The following ELP4 variants were observed in gnomAD, a reference collection of about 807,000 sequenced individuals.
ELP4 encodes the protein elongator complex protein 4.
ELP4 carries 51 observed loss-of-function variants against 48.9 expected under a neutral mutation model. That is an observed-to-expected ratio of 1.04 (90% CI 0.83 to 1.32). The LOEUF (loss-of-function observed/expected upper bound fraction) is 1.32, where lower values mean the gene tolerates loss of function less well. Among genes scored for constraint, ELP4 ranks in the 40% most tolerant of loss-of-function variants. The probability of loss-of-function intolerance (pLI) is 0.00; values close to 1 mark genes in which losing one functional copy is unlikely to be tolerated. For synonymous variants in ELP4, 210 were observed against 189.2 expected (o/e 1.11, Z -0.90); for missense variants, 519 against 514.6 (o/e 1.01, Z -0.08).
At chr11:31,662,886 G>T (rs892914696) in intron 9 of ELP4, 2 of 238,398 alleles carry the variant, frequency 8.4e-6, no homozygotes, top group Admixed American at 1.1e-4. Context: ...TTCAAAGCCA[G>T]CTTCTCATTG....
At chr11:31,539,490 C>A (rs1214553748) in intron 2 of ELP4, among the ~76,000 whole-genome samples, 172 bp from the exon 3 acceptor site, 1 of 152,180 alleles carries the variant, frequency 6.6e-6, no homozygotes, top group Admixed American at 6.5e-5. Context: ...ACTCTCTTTA[C>A]AAGTCTCTTA....
intron 3 of ELP4, among the ~76,000 whole-genome samples, chr11:31,550,283 G>T (rs775396130): frequency 6.6e-6 from 1 of 151,988 alleles, no homozygotes; most frequent in Non-Finnish European, 1.5e-5. Flanking sequence ...GTCATTAATG[G>T]TGAGAAAGAG....
At chr11:31,708,961 T>G (rs1250407809) in intron 9 of ELP4, among the ~76,000 whole-genome samples, 2 of 152,124 alleles carry the variant, frequency 1.3e-5, no homozygotes, top group Non-Finnish European at 2.9e-5. Context: ...AGATTAAAAT[T>G]TAGACTTTCA....
At chr11:31,598,539 G>C (rs1592147850) in intron 4 of ELP4, among the ~76,000 whole-genome samples, 1 of 80,440 alleles carries the variant, frequency 1.2e-5, no homozygotes, top group East Asian at 4.3e-4. Context: ...ATAGGATCTT[G>C]CTCTGTCGCC....
At chr11:31,531,363 G>T (rs1412864222) in intron 2 of ELP4, among the ~76,000 whole-genome samples, 1 of 152,172 alleles carries the variant, frequency 6.6e-6, no homozygotes, top group Admixed American at 6.5e-5. Flanking sequence ...ATAATAGGAT[G>T]CATTCTCTGC....
At chr11:31,672,964 A>G (rs1432026163) in intron 9 of ELP4, among the ~76,000 whole-genome samples, 1 of 152,190 alleles carries the variant, frequency 6.6e-6, no homozygotes, top group Non-Finnish European at 1.5e-5. Context: ...TTGGAAATTA[A>G]TAAAACTATA....
At chr11:31,685,997 A>G (rs1236045873) in intron 9 of ELP4, among the ~76,000 whole-genome samples, 1 of 151,720 alleles carries the variant, frequency 6.6e-6, no homozygotes, top group Non-Finnish European at 1.5e-5. Context: ...ACGTTTATGT[A>G]TAAAAGTTAT....
In ELP4 at chr11:31,598,547, G is replaced by A. The variant is rs1372572298; in HGVS notation, c.513+3646G>A. 1.8e-4 allele frequency among the ~76,000 whole-genome samples: 19 copies of A among 108,218 alleles called. No individual in the cohort carries two copies. The East Asian group carries it at 2.3e-3, about 13-fold the overall frequency. 71.0% of individuals were successfully genotyped at this position (108,218 alleles called of 152,430 possible). On this transcript the variant is annotated intron_variant, in intron 4 of 9. Transcript: ENST00000640961. Reference sequence around the variant, plus strand: ...TTTTGAGATAGGATCTTGCTCTGTCGCCCAGGCTACAGTGCAGTGGCACAA... The same window carrying A: ...TTTTGAGATAGGATCTTGCTCTGTCACCCAGGCTACAGTGCAGTGGCACAA...
chr11:31,670,372 A>G (rs1945783235), intron 9 of ELP4, among the ~76,000 whole-genome samples: 5 of 152,150 alleles, frequency 3.3e-5, no homozygotes, highest in Admixed American at 3.3e-4. Flanking sequence ...ATTGACATTT[A>G]TATCTATTAT....
chr11:31,745,872 A>G (rs1198631568), intron 9 of ELP4, among the ~76,000 whole-genome samples: 2 of 152,232 alleles, frequency 1.3e-5, no homozygotes, highest in South Asian at 2.1e-4. Context: ...AATGGCAACA[A>G]AAGCCAAAAT....
At chr11:31,645,498 C>A (rs1337847849) in intron 7 of ELP4, among the ~76,000 whole-genome samples, 1 of 151,748 alleles carries the variant, frequency 6.6e-6, no homozygotes, top group Non-Finnish European at 1.5e-5. Flanking sequence ...TTTATCTCAT[C>A]TTTAAACCTT....
At chr11:31,529,771 A>G (rs927287010) in intron 2 of ELP4, among the ~76,000 whole-genome samples, 4 of 152,204 alleles carry the variant, frequency 2.6e-5, no homozygotes, top group Non-Finnish European at 4.4e-5. Flanking sequence ...GTATTTCCAA[A>G]GAGAGACTGA....
At chr11:31,616,621 AC>A (rs1251235279) in intron 5 of ELP4, among the ~76,000 whole-genome samples, 3 of 152,142 alleles carry the variant, frequency 2.0e-5, no homozygotes, top group Non-Finnish European at 4.4e-5. Flanking sequence ...GACTTAATCA[AC>A]AGTGAAAAGG....
chr11:31,660,071 CTT>C (rs1227749977), intron 9 of ELP4, among the ~76,000 whole-genome samples: 1 of 152,032 alleles, frequency 6.6e-6, no homozygotes, highest in East Asian at 1.9e-4. Context: ...AATTACATTT[CTT>C]GTCTTTAATT....
chr11:31,698,305 T>G (rs1356359274), intron 9 of ELP4, among the ~76,000 whole-genome samples: 1 of 152,192 alleles, frequency 6.6e-6, no homozygotes, highest in African/African-American at 2.4e-5. Flanking sequence ...TAAAACCTCT[T>G]TCAAACCTTT....
At chr11:31,678,431 A>G (rs1245201340) in intron 9 of ELP4, among the ~76,000 whole-genome samples, 1 of 152,054 alleles carries the variant, frequency 6.6e-6, no homozygotes, top group Non-Finnish European at 1.5e-5. Context: ...AGCCTAGGTG[A>G]CATATCAAGA....
chr11:31,701,884 T>C (rs1308097566), intron 9 of ELP4, among the ~76,000 whole-genome samples: 2 of 152,050 alleles, frequency 1.3e-5, no homozygotes, highest in East Asian at 3.9e-4. Flanking sequence ...CACCTGATAG[T>C]ATACCTTTAT....
At chr11:31,514,466 A>T (rs924696431) in intron 1 of ELP4, among the ~76,000 whole-genome samples, 1 of 152,194 alleles carries the variant, frequency 6.6e-6, no homozygotes, top group South Asian at 2.1e-4. Context: ...CAAAAAAAGA[A>T]GAATTTATTT....
At chr11:31,667,777 C>A (rs2134100816) in intron 9 of ELP4, among the ~76,000 whole-genome samples, 1 of 152,208 alleles carries the variant, frequency 6.6e-6, no homozygotes, top group South Asian at 2.1e-4. Flanking sequence ...TATATATATT[C>A]TTTATGCCAA....
Sources: gnomAD v4.1 joint callset for allele counts (sites outside exome capture counted in the v4.1 genomes callset) on GRCh38, gnomAD v4.1.1 for gene constraint, MANE v1.5 for transcripts, NCBI Gene and HGNC (gene_info 2026-07-23, HGNC 2026-07-21) for gene names.